Variants in LCMT1 observed in about 807,000 individuals in gnomAD.
LCMT1 encodes the protein [Phosphatase 2A protein]-leucine-carboxy methyltransferase 1.
In LCMT1, 32 loss-of-function variants were observed where a neutral mutation model predicts 47.7. That is an observed-to-expected ratio of 0.67 (90% CI 0.51 to 0.90). LCMT1 has a LOEUF of 0.90. LCMT1 is among the 40% of genes least tolerant of loss of function. The pLI is 0.00. For missense variants in LCMT1, 375 were observed against 415.2 expected, an observed-to-expected ratio of 0.90 and a Z score of 0.84; for synonymous variants, 152 against 149.7, an observed-to-expected ratio of 1.02 and a Z score of -0.11.
intron 1 of LCMT1, among the ~76,000 whole-genome samples, chr16:25,118,064 C>T (rs1357076308): frequency 2.6e-5 from 4 of 152,162 alleles, no homozygotes; most frequent in African/African-American, 7.2e-5. Flanking sequence ...TGGGCTCTCC[C>T]GATCTCTGTT....
At chr16:25,114,938 C>T (rs1959740832) in intron 1 of LCMT1, among the ~76,000 whole-genome samples, 1 of 152,166 alleles carries the variant, frequency 6.6e-6, no homozygotes, top group Admixed American at 6.5e-5. Context: ...GGGTGCCTGG[C>T]CCAGAGTGTC....
chr16:25,144,178 T>A (rs560825133), intron 4 of LCMT1: 18 of 152,358 alleles, frequency 1.2e-4, no homozygotes, highest in Admixed American at 1.3e-4. Flanking sequence ...CTGGGGAATT[T>A]TTAACTGTTA....
chr16:25,143,377 T>G (rs1960754692), intron 4 of LCMT1: 1 of 152,186 alleles, frequency 6.6e-6, no homozygotes, highest in South Asian at 2.1e-4. Context: ...CCCTGATGAT[T>G]GGGGTGCCAG....
chr16:25,145,545 T>G (rs1056836722), intron 4 of LCMT1: 2 of 152,368 alleles, frequency 1.3e-5, no homozygotes, highest in South Asian at 4.1e-4. Context: ...AGTGAAAAAC[T>G]GAGCATCTCC....
intron 6 of LCMT1, among the ~76,000 whole-genome samples, chr16:25,161,947 C>G (rs1961444953): frequency 6.6e-6 from 1 of 151,986 alleles, no homozygotes; most frequent in African/African-American, 2.4e-5. Flanking sequence ...TTACTGTCAC[C>G]AAGTTGGCAA....
chr16:25,122,280 T>G (rs762872971), intron 1 of LCMT1, among the ~76,000 whole-genome samples: 2 of 129,304 alleles, frequency 1.5e-5, no homozygotes, highest in Non-Finnish European at 3.2e-5. Context: ...CTGATATTTC[T>G]TATGTGAATC....
intron 6 of LCMT1, 88 bp from the exon 7 acceptor site, chr16:25,164,510 G>A (rs1961527743): frequency 1.6e-5 from 25 of 1,548,068 alleles, no homozygotes; most frequent in Middle Eastern, 1.7e-4. Context: ...GGCATGGACC[G>A]CCCCACCAAT....
intron 1 of LCMT1, among the ~76,000 whole-genome samples, chr16:25,114,490 G>A (rs578237166): frequency 6.6e-6 from 1 of 152,216 alleles, no homozygotes; most frequent in East Asian, 1.9e-4. Flanking sequence ...TATCAATTGA[G>A]CACTTTTCAT....
chr16:25,150,609 G>T (rs1407251387), intron 4 of LCMT1, among the ~76,000 whole-genome samples: 3 of 151,984 alleles, frequency 2.0e-5, no homozygotes, highest in Non-Finnish European at 4.4e-5. Context: ...CTCTCAAAGT[G>T]CTGGGATTAC....
chr16:25,159,281 T>C (rs1310685141), intron 5 of LCMT1, among the ~76,000 whole-genome samples: 1 of 152,234 alleles, frequency 6.6e-6, no homozygotes, highest in Non-Finnish European at 1.5e-5. Context: ...ATTCTTTTAT[T>C]TTGTAGAGAC....
At chr16:25,127,160 A>T (rs761317323) in intron 1 of LCMT1, among the ~76,000 whole-genome samples, 1 of 152,232 alleles carries the variant, frequency 6.6e-6, no homozygotes, top group Non-Finnish European at 1.5e-5. Context: ...AGCCAAGAGT[A>T]AGCATCATAA....
intron 5 of LCMT1, among the ~76,000 whole-genome samples, chr16:25,154,870 T>G (rs918710678): frequency 6.6e-6 from 1 of 152,196 alleles, no homozygotes; most frequent in Admixed American, 6.5e-5. Context: ...TTTAACTTTG[T>G]GTCTCATCGG....
chr16:25,157,972 T>C (rs1280802855), intron 5 of LCMT1, among the ~76,000 whole-genome samples: 1 of 152,248 alleles, frequency 6.6e-6, no homozygotes, highest in Non-Finnish European at 1.5e-5. Context: ...TAACAACTTA[T>C]TAGTCATTTG....
intron 2 of LCMT1, among the ~76,000 whole-genome samples, chr16:25,131,393 G>A (rs1960345744): frequency 6.6e-6 from 1 of 152,218 alleles, no homozygotes; most frequent in South Asian, 2.1e-4. Flanking sequence ...CCTCCCAAAT[G>A]GTGTATGGTG....
At chr16:25,168,851 A>G (rs1477908952) in intron 7 of LCMT1, among the ~76,000 whole-genome samples, 1 of 152,082 alleles carries the variant, frequency 6.6e-6, no homozygotes, top group Non-Finnish European at 1.5e-5. Flanking sequence ...TGTCTGTAGG[A>G]TAGATTGCTT....
intron 1 of LCMT1, among the ~76,000 whole-genome samples, chr16:25,118,465 C>G (rs1372400706): frequency 6.6e-6 from 1 of 152,168 alleles, no homozygotes; most frequent in Non-Finnish European, 1.5e-5. Flanking sequence ...GTCCTAGACC[C>G]TGCCAATGCA....
At chr16:25,125,921 G>C (rs1960161654) in intron 1 of LCMT1, 1 of 1,055,082 alleles carries the variant, frequency 9.5e-7, no homozygotes, top group African/African-American at 1.7e-5. Context: ...CTTTCCAACT[G>C]ATGTCCTATA....
chr16:25,177,503 C>T (rs534646734), intron 10 of LCMT1, among the ~76,000 whole-genome samples: 101 of 152,296 alleles, frequency 6.6e-4, no homozygotes, highest in African/African-American at 2.3e-3. Context: ...ATTGTAATGG[C>T]TTTATAATAT....
chr16:25,154,333 A>G (rs1002985498), intron 5 of LCMT1, among the ~76,000 whole-genome samples: 1 of 151,664 alleles, frequency 6.6e-6, no homozygotes, highest in Non-Finnish European at 1.5e-5. Context: ...TTTAAAAAAA[A>G]TTATGTAACT....
Sources: allele counts gnomAD v4.1 joint callset (sites outside exome capture counted in the v4.1 genomes callset), GRCh38; gene constraint gnomAD v4.1.1; transcripts MANE v1.5; gene names NCBI Gene and HGNC (gene_info 2026-07-23, HGNC 2026-07-21).